The following STMND1 variants were observed in gnomAD, a reference collection of about 807,000 sequenced individuals.
The protein encoded by STMND1 is stathmin domain containing 1.
In STMND1, 17 loss-of-function variants were observed where a neutral mutation model predicts 23.0. That is an observed-to-expected ratio of 0.74 (90% CI 0.51 to 1.11). STMND1 has a LOEUF of 1.11. Among genes scored for constraint, STMND1 ranks in the 50% least tolerant of loss-of-function variants. The probability of loss-of-function intolerance (pLI) is 0.00; values close to 1 mark genes in which losing one functional copy is unlikely to be tolerated. For synonymous variants in STMND1, 114 were observed against 119.9 expected (o/e 0.95, Z 0.32); for missense variants, 305 against 329.1 (o/e 0.93, Z 0.57).
At chr6:17,104,082 C>T (rs1760982822) in intron 1 of STMND1, among the ~76,000 whole-genome samples, 2 of 152,140 alleles carry the variant, frequency 1.3e-5, no homozygotes, top group Non-Finnish European at 2.9e-5. Flanking sequence ...TCTGCTAAAC[C>T]AAATGACTCT....
At chr6:17,107,497 A>T (rs1476390413) in intron 1 of STMND1, among the ~76,000 whole-genome samples, 1 of 152,226 alleles carries the variant, frequency 6.6e-6, no homozygotes, top group Non-Finnish European at 1.5e-5. Context: ...CGAGGAAAAA[A>T]TAGAACATTC....
chr6:17,110,350 C>G (rs1761080671), intron 1 of STMND1: 1 of 159,138 alleles, frequency 6.3e-6, no homozygotes, highest in African/African-American at 2.4e-5. Context: ...TGCTCCCCAG[C>G]CTGGGCAACA....
intron 3 of STMND1, among the ~76,000 whole-genome samples, chr6:17,124,932 G>A (rs535608495): frequency 7.2e-5 from 11 of 151,806 alleles, no homozygotes; most frequent in African/African-American, 2.2e-4. Flanking sequence ...CTGGAAGTTC[G>A]AGGCTGCAAT....
chr6:17,123,519 C>G (rs1270332933), intron 3 of STMND1, among the ~76,000 whole-genome samples: 2 of 152,130 alleles, frequency 1.3e-5, no homozygotes, highest in African/African-American at 4.8e-5. Context: ...TTCAAACATC[C>G]CAGTGCCTAG....
chr6:17,129,573 G>T (rs916912149), intron 4 of STMND1, among the ~76,000 whole-genome samples: 39 of 151,716 alleles, frequency 2.6e-4, no homozygotes, highest in Admixed American at 1.6e-3. Flanking sequence ...GGCCAGGCGC[G>T]GTGGCTCACG....
chr6:17,127,360 G>A (rs1561926126), intron 3 of STMND1, among the ~76,000 whole-genome samples: 1 of 152,088 alleles, frequency 6.6e-6, no homozygotes, highest in Non-Finnish European at 1.5e-5. Flanking sequence ...GACCAGCCTG[G>A]CCAACATGGT....
chr6:17,110,158 T>C (rs1004605976), intron 1 of STMND1, among the ~76,000 whole-genome samples: 2 of 152,332 alleles, frequency 1.3e-5, no homozygotes, highest in East Asian at 3.9e-4. Flanking sequence ...ATTTTTTTCT[T>C]CTTTCATACC....
At chr6:17,120,489 T>A in intron 2 of STMND1, 118 bp from the exon 3 acceptor site, 2 of 671,144 alleles carry the variant, frequency 3.0e-6, no homozygotes, top group Non-Finnish European at 4.7e-6. Flanking sequence ...ATATATTAAG[T>A]GTTGAAACTA....
At chr6:17,126,034 TTA>T (rs1176278436) in intron 3 of STMND1, among the ~76,000 whole-genome samples, 1,145 of 41,964 alleles carry the variant, frequency 0.027, 40 homozygotes, top group Middle Eastern at 0.042. Context: ...GATCATTGTT[TTA>T]TATATATATA....
intron 3 of STMND1, among the ~76,000 whole-genome samples, chr6:17,121,364 T>C (rs1442217287): frequency 2.0e-5 from 3 of 152,212 alleles, no homozygotes; most frequent in African/African-American, 2.4e-5. Context: ...TTCACTAAAT[T>C]TGAGAAACAA....
intron 3 of STMND1, among the ~76,000 whole-genome samples, chr6:17,125,227 T>C (rs1761280811): frequency 6.6e-6 from 1 of 151,994 alleles, no homozygotes; most frequent in Admixed American, 6.6e-5. Flanking sequence ...AGTATCAGAT[T>C]GTTGAGGGAA....
intron 1 of STMND1, chr6:17,110,673 C>T: frequency 2.7e-6 from 1 of 374,964 alleles, no homozygotes; most frequent in Non-Finnish European, 5.3e-6. Flanking sequence ...AAGGCTGAGG[C>T]AGGAGAATCA....
At chr6:17,113,411 T>C (rs1234054934) in intron 1 of STMND1, among the ~76,000 whole-genome samples, 1 of 152,198 alleles carries the variant, frequency 6.6e-6, no homozygotes, top group Non-Finnish European at 1.5e-5. Context: ...GCCTTTCAAT[T>C]GACTGGATGA....
chr6:17,111,144 A>T (rs1348338883), intron 1 of STMND1, among the ~76,000 whole-genome samples: 1 of 152,204 alleles, frequency 6.6e-6, no homozygotes, highest in Non-Finnish European at 1.5e-5. Flanking sequence ...AAAATTTAAC[A>T]CGGACCAGCA....
intron 3 of STMND1, among the ~76,000 whole-genome samples, chr6:17,124,822 AC>A (rs1287333868): frequency 6.7e-6 from 1 of 148,772 alleles, no homozygotes; most frequent in Non-Finnish European, 1.5e-5. Flanking sequence ...ACATGGTAAA[AC>A]CCCATCTCTA....
rs548198508 is a variant in STMND1 at position 17,117,094 on chromosome 6, G to A, written c.259+1955G>A. On this transcript the variant is annotated intron_variant, in intron 2 of 4. Transcript: ENST00000536551. ...TTTTGTTTGTTTTTTTTGAGACGGA[G>A]TTTTTCTCTTGTTGCCCAGGCTGGA... Among the ~76,000 whole-genome samples the A allele has an allele frequency of 2.8e-4, 43 of 151,998 alleles. No homozygotes were observed. In the South Asian group the frequency reaches 8.5e-3, roughly 30 times the overall value.
intron 1 of STMND1, among the ~76,000 whole-genome samples, chr6:17,102,862 G>A (rs1476227785): frequency 6.6e-6 from 1 of 152,220 alleles, no homozygotes; most frequent in Non-Finnish European, 1.5e-5. Context: ...GAGGCCCAGA[G>A]AGATAGGCGA....
chr6:17,109,093 A>G (rs777774196), intron 1 of STMND1, among the ~76,000 whole-genome samples: 8 of 152,198 alleles, frequency 5.3e-5, no homozygotes, highest in Non-Finnish European at 8.8e-5. Context: ...CAGGGACAAG[A>G]TGGGCAGTAA....
intron 3 of STMND1, among the ~76,000 whole-genome samples, chr6:17,123,018 T>C (rs2113489895): frequency 6.6e-6 from 1 of 152,254 alleles, no homozygotes; most frequent in South Asian, 2.1e-4. Context: ...AAACATTCAG[T>C]AGCTAAGCAA....
Sources: allele counts gnomAD v4.1 joint callset (sites outside exome capture counted in the v4.1 genomes callset), GRCh38; gene constraint gnomAD v4.1.1; transcripts MANE v1.5; gene names NCBI Gene and HGNC (gene_info 2026-07-23, HGNC 2026-07-21).